The following PRKDC variants were observed in gnomAD, a reference collection of about 807,000 sequenced individuals.
PRKDC encodes protein kinase, DNA-activated, catalytic subunit, also known as DNA-dependent protein kinase catalytic subunit.
In PRKDC, 82 loss-of-function variants were observed where a neutral mutation model predicts 486.9. The observed-to-expected ratio is 0.17, with a 90% CI of 0.14 to 0.20. The LOEUF is 0.20. PRKDC is among the 10% of genes least tolerant of loss of function. The pLI is 1.00. For missense variants in PRKDC, 4,504 were observed against 5,038.2 expected, an observed-to-expected ratio of 0.89 and a Z score of 3.21; for synonymous variants, 1,895 against 1,837.0, an observed-to-expected ratio of 1.03 and a Z score of -0.81.
intron 80 of PRKDC, 91 bp from the exon 81 acceptor site, chr8:47,779,184 T>C: frequency 3.2e-6 from 3 of 925,758 alleles, no homozygotes; most frequent in Non-Finnish European, 4.9e-6. Flanking sequence ...CATTGAAAAA[T>C]AGCAAAGAGG....
intron 21 of PRKDC, among the ~76,000 whole-genome samples, chr8:47,922,754 G>A (rs566894745): frequency 1.4e-4 from 21 of 152,190 alleles, no homozygotes; most frequent in Middle Eastern, 3.4e-3. Context: ...TTACTATATT[G>A]GAAACAGAAA....
intron 84 of PRKDC, among the ~76,000 whole-genome samples, 185 bp downstream of exon 84, chr8:47,777,501 G>C (rs1188485263): frequency 6.6e-6 from 1 of 152,118 alleles, no homozygotes; most frequent in Non-Finnish European, 1.5e-5. Context: ...GAGCCACTGG[G>C]CCCAGCCTCT....
Position 47,953,731 on chromosome 8 carries a change from G to T in PRKDC, c.622-12C>A, listed in dbSNP as rs1318622399. 5.0e-6 allele frequency: 8 copies of T among 1,602,210 alleles called. No homozygotes were observed. The highest frequency in any genetic ancestry group is 6.8e-6 in the Non-Finnish European group (8 of 1,173,522). ...ACTGCTGATGTCATCTAAAAGAAAA[G>T]ATTTAAGAAGATGTCATTACAAGAG... On this transcript the variant is annotated splice_polypyrimidine_tract_variant and intron_variant, in intron 6 of 85. Transcript: ENST00000314191.
intron 36 of PRKDC, among the ~76,000 whole-genome samples, chr8:47,883,156 C>T (rs1199895154): frequency 3.9e-5 from 6 of 152,286 alleles, no homozygotes; most frequent in East Asian, 1.9e-4. Flanking sequence ...CATCTGTATT[C>T]CACTCTCACA....
At chr8:47,825,522 A>C (rs2087718667) in intron 63 of PRKDC, among the ~76,000 whole-genome samples, 3 of 150,854 alleles carry the variant, frequency 2.0e-5, no homozygotes, top group African/African-American at 4.9e-5. Context: ...AAAAAAAAAA[A>C]AAAAAAAAAA....
In PRKDC at chr8:47,879,627, G is replaced by C. The variant is rs1420188419; in HGVS notation, c.5099C>G (p.Thr1700Ser). ...GQAVTLLPFF[T>S]SLTGGSLEEL... ...CTCCAGACTGCCTCCAGTGAGGCTG[G>C]TGAAGAATGGAAGAAGAGTGACAGC... is the stretch of plus-strand genomic sequence containing the variant. Residue 1700 changes from threonine to serine, a missense_variant, in exon 39 of 86, where the codon ACC becomes AGC. By Grantham distance (58) the Thr-to-Ser change is moderately conservative (BLOSUM62 1). Transcript: ENST00000314191. The C allele has an allele frequency of 1.3e-6, 2 of 1,587,306 alleles. No individual in the cohort carries two copies. Among genetic ancestry groups the C allele is most frequent in the Non-Finnish European group, 1.7e-6 (2 of 1,168,698 alleles).
At chr8:47,949,900 ATAAG>A (rs2090600041) in intron 7 of PRKDC, among the ~76,000 whole-genome samples, 1 of 152,272 alleles carries the variant, frequency 6.6e-6, no homozygotes, top group Non-Finnish European at 1.5e-5. Flanking sequence ...ATCATTGGAT[ATAAG>A]TAATTTTGTA....
intron 59 of PRKDC, 110 bp from the exon 60 acceptor site, chr8:47,832,036 G>C: frequency 1.1e-6 from 1 of 921,206 alleles, no homozygotes; most frequent in Non-Finnish European, 1.7e-6. Flanking sequence ...GTGCCGCAGA[G>C]GCAGCGACCG....
At chr8:47,855,488 TTG>T in intron 49 of PRKDC, 115 bp from the exon 50 acceptor site, 5 of 1,097,142 alleles carry the variant, frequency 4.6e-6, no homozygotes, top group Non-Finnish European at 6.3e-6. Flanking sequence ...CCGGCTCCTG[TTG>T]AAAGCCCTGT....
chr8:47,830,580 A>G, intron 61 of PRKDC, 25 bp downstream of exon 61: 2 of 1,608,856 alleles, frequency 1.2e-6, no homozygotes, highest in Non-Finnish European at 1.7e-6. Flanking sequence ...ACCTGTCAAC[A>G]GAAAACGCAG....
Position 47,885,395 on chromosome 8 carries a change from C to T in PRKDC, c.4776+549G>A, listed in dbSNP as rs1008193368. ...CTTGAATTCCTGACCTCTGATGATC[C>T]GCTCACCTCCACCTCCCAAAGTGCT... On this transcript the variant is annotated intron_variant, in intron 36 of 85. Coordinates refer to ENST00000314191, the MANE Select transcript of PRKDC (RefSeq NM_006904.7). Among the ~76,000 whole-genome samples, 14 of 152,018 alleles carry T rather than the reference C, an allele frequency of 9.2e-5. No homozygotes were observed. The East Asian group carries it at 2.6e-3, about 28-fold the overall frequency.
intron 52 of PRKDC, 61 bp from the exon 53 acceptor site, chr8:47,849,564 GCAAAGTTTAT>G: frequency 6.4e-7 from 1 of 1,560,296 alleles, no homozygotes; most frequent in Non-Finnish European, 8.7e-7. Flanking sequence ...AGCATTGAAA[GCAAAGTTTAT>G]CTTGAGTATT....
At chr8:47,897,509 T>C (rs1459797354) in intron 29 of PRKDC, among the ~76,000 whole-genome samples, 4 of 152,246 alleles carry the variant, frequency 2.6e-5, no homozygotes, top group Admixed American at 6.5e-5. Flanking sequence ...CATTTTTTCA[T>C]GTGGGGAAAA....
At chr8:47,954,546 C>A (rs758017203) in intron 4 of PRKDC, 100 bp from the exon 5 acceptor site, 4 of 442,462 alleles carry the variant, frequency 9.0e-6, no homozygotes, top group Non-Finnish European at 1.6e-5. Context: ...TAACGGGATT[C>A]CTCTATCTCA....
chr8:47,802,188 C>A (rs1257517939), intron 70 of PRKDC, among the ~76,000 whole-genome samples: 1 of 152,144 alleles, frequency 6.6e-6, no homozygotes, highest in Non-Finnish European at 1.5e-5. Context: ...GCCATCCTCC[C>A]GCCTCAGACT....
intron 61 of PRKDC, among the ~76,000 whole-genome samples, chr8:47,828,914 G>A (rs374709127): frequency 6.6e-6 from 1 of 152,140 alleles, no homozygotes; most frequent in East Asian, 1.9e-4. Flanking sequence ...ATCAGCTCCC[G>A]CAAATAGCAC....
At chr8:47,820,686 A>G (rs1296243757) in intron 66 of PRKDC, 33 bp downstream of exon 66, 1 of 1,111,674 alleles carries the variant, frequency 9.0e-7, no homozygotes, top group Non-Finnish European at 1.2e-6. Context: ...CACTATATAT[A>G]TACAAGCATA....
chr8:47,804,813 GCA>G (rs1260382342), intron 69 of PRKDC, among the ~76,000 whole-genome samples: 2 of 152,118 alleles, frequency 1.3e-5, no homozygotes, highest in Admixed American at 1.3e-4. Flanking sequence ...CCAGGCTGGA[GCA>G]CAGTGGCACA....
chr8:47,789,225 A>T lies in PRKDC; in HGVS notation c.10684T>A (p.Leu3562Met), dbSNP rs8178232. ...TCTTGAATCACTCCTCCTTGATCCAACTTACTTTTAATCCTATTTAAAAAA... is the reference window on the plus strand; with the variant it reads ...TCTTGAATCACTCCTCCTTGATCCATCTTACTTTTAATCCTATTTAAAAAA... Reference protein sequence around the residue: ...KEFVARIKSKLDQGGVIQDFI... With the variant: ...KEFVARIKSKMDQGGVIQDFI... Residue 3562 changes from leucine (L) to methionine (M), a missense_variant, in exon 75 of 86, where the codon TTG (leucine) becomes ATG (methionine). By Grantham distance (15) the Leu-to-Met change is conservative. Around this residue, in one of 6 missense-constraint regions of PRKDC, gnomAD observed 706 missense variants for 945.0 expected, o/e 0.75. Transcript: ENST00000314191. 3,540 of 1,585,258 alleles carry T rather than the reference A, an allele frequency of 2.2e-3. 75 individuals are homozygous for T. The Admixed American group carries it at 0.035, about 16-fold the overall frequency.
Sources: gnomAD v4.1 joint callset for allele counts (sites outside exome capture counted in the v4.1 genomes callset) on GRCh38, gnomAD v4.1.1 for gene constraint, gnomAD v4.1.1 regional missense constraint, MANE v1.5 for transcripts, NCBI Gene and HGNC (gene_info 2026-07-23, HGNC 2026-07-21) for gene names.